The following ATP11A variants were observed in gnomAD, a reference collection of about 807,000 sequenced individuals.
The protein encoded by ATP11A is ATPase phospholipid transporting 11A.
Under a neutral mutation model 154.4 loss-of-function variants are expected in ATP11A, and 81 were observed. The observed-to-expected ratio is 0.52, with a 90% confidence interval of 0.44 to 0.63. ATP11A has a LOEUF of 0.63. Among genes scored for constraint, ATP11A ranks in the 30% least tolerant of loss-of-function variants. The probability of loss-of-function intolerance (pLI) is 0.00; values close to 1 mark genes in which losing one functional copy is unlikely to be tolerated. For missense variants in ATP11A, 1,316 were observed against 1,474.3 expected (o/e 0.89, Z 1.76); for synonymous variants, 623 against 585.9 (o/e 1.06, Z -0.91).
chr13:112,742,040 G>A (rs943494861), intron 1 of ATP11A, among the ~76,000 whole-genome samples: 5 of 151,592 alleles, frequency 3.3e-5, no homozygotes. Flanking sequence ...TCCCCCACAG[G>A]GGAGTGCTCC....
intron 16 of ATP11A, among the ~76,000 whole-genome samples, chr13:112,841,963 G>A (rs991112072): frequency 2.0e-5 from 3 of 152,210 alleles, no homozygotes; most frequent in African/African-American, 7.2e-5. Flanking sequence ...TCACCCCAAC[G>A]CCCGTCCCGA....
chr13:112,789,952 A>G (rs1175719122), intron 2 of ATP11A, among the ~76,000 whole-genome samples: 1 of 151,348 alleles, frequency 6.6e-6, no homozygotes, highest in African/African-American at 2.4e-5. Flanking sequence ...ATGTATACCT[A>G]TTTAATTCAC....
chr13:112,833,643 A>C (rs1594118266), intron 14 of ATP11A, among the ~76,000 whole-genome samples: 1 of 152,236 alleles, frequency 6.6e-6, no homozygotes, highest in South Asian at 2.1e-4. Flanking sequence ...TTCTCACCTC[A>C]TTACAGCCAT....
intron 21 of ATP11A, 64 bp from the exon 22 acceptor site, chr13:112,858,081 C>A: frequency 6.3e-7 from 1 of 1,587,946 alleles, no homozygotes; most frequent in East Asian, 2.2e-5. Context: ...TTCTTCTCCC[C>A]GTCCCTGCCC....
intron 1 of ATP11A, among the ~76,000 whole-genome samples, chr13:112,780,981 G>A (rs924548836): frequency 2.6e-5 from 4 of 152,198 alleles, no homozygotes; most frequent in Middle Eastern, 3.4e-3. Context: ...CCGACTACCC[G>A]TGTCTTTGCT....
chr13:112,749,920 T>A (rs1171431695), intron 1 of ATP11A, among the ~76,000 whole-genome samples: 1 of 122,486 alleles, frequency 8.2e-6, no homozygotes, highest in Non-Finnish European at 1.7e-5. Context: ...CTCTCGTGAA[T>A]TTCTGTCTTA....
At position 112,862,565 on chromosome 13, in the gene ATP11A, G is replaced by A; in HGVS notation, c.2981G>A (p.Ser994Asn). 6.2e-7 allele frequency: 1 copy of A among 1,614,174 alleles called. No homozygotes were observed. The highest frequency in any genetic ancestry group is 8.5e-7 in the Non-Finnish European group (1 of 1,180,018). ...GTGTTTGAAAATACAACTGTGACAAGCAACGGGCAGGTCAGTACAGAGCTC... is the reference window on the plus strand; with the variant it reads ...GTGTTTGAAAATACAACTGTGACAAACAACGGGCAGGTCAGTACAGAGCTC... ...YFVFENTTVT[S>N]NGQIFGNWTF... The change falls in exon 25 of 30, where the codon AGC becomes AAC. Residue 994 changes from serine (S) to asparagine (N), a missense_variant. Transcript: ENST00000375645.
At chr13:112,775,834 G>A (rs562494825) in intron 1 of ATP11A, among the ~76,000 whole-genome samples, 228 of 152,306 alleles carry the variant, frequency 1.5e-3, no homozygotes, top group African/African-American at 4.7e-3. Flanking sequence ...GGCGCAGGGC[G>A]GGCGCGACTT....
intron 2 of ATP11A, among the ~76,000 whole-genome samples, chr13:112,803,960 T>G (rs117466554): frequency 0.037 from 1,330 of 35,982 alleles, 100 homozygotes; most frequent in Middle Eastern, 0.075. Flanking sequence ...TTTCCTCCTT[T>G]CTTCCCTTCC....
intron 17 of ATP11A, among the ~76,000 whole-genome samples, chr13:112,850,096 C>T (rs1445594768): frequency 1.3e-5 from 2 of 152,194 alleles, no homozygotes; most frequent in Non-Finnish European, 2.9e-5. Flanking sequence ...ATTCTGTCCA[C>T]ACCAGTTAAG....
intron 1 of ATP11A, among the ~76,000 whole-genome samples, chr13:112,719,846 C>T (rs759329314): frequency 1.5e-4 from 23 of 152,166 alleles, no homozygotes; most frequent in Non-Finnish European, 3.2e-4. Flanking sequence ...TTGGTCTGGT[C>T]TGTTGGGGCC....
chr13:112,789,708 C>G (rs936272893), intron 2 of ATP11A, among the ~76,000 whole-genome samples: 1 of 151,570 alleles, frequency 6.6e-6, no homozygotes, highest in South Asian at 2.1e-4. Flanking sequence ...CTGTGGAGAC[C>G]TACTTAATTC....
chr13:112,862,604 T>C (rs1337468762), intron 25 of ATP11A, 29 bp downstream of exon 25: 2 of 1,613,664 alleles, frequency 1.2e-6, no homozygotes, highest in African/African-American at 1.3e-5. Flanking sequence ...TGCGCTGACT[T>C]AGCTGCTTAG....
intron 1 of ATP11A, among the ~76,000 whole-genome samples, chr13:112,694,838 A>AT (rs1555300488): frequency 6.6e-6 from 1 of 152,248 alleles, no homozygotes; most frequent in Non-Finnish European, 1.5e-5. Flanking sequence ...ACAAACTGTT[A>AT]TAAGTTTTTT....
chr13:112,816,974 G>A (rs1055760751), intron 6 of ATP11A, among the ~76,000 whole-genome samples: 3 of 152,190 alleles, frequency 2.0e-5, no homozygotes, highest in Non-Finnish European at 4.4e-5. Flanking sequence ...ACTTCAATGA[G>A]TGTCTTTTTG....
intron 4 of ATP11A, among the ~76,000 whole-genome samples, chr13:112,808,317 A>C (rs2078382441): frequency 6.6e-6 from 1 of 151,916 alleles, no homozygotes; most frequent in African/African-American, 2.4e-5. Context: ...AAGGCGGCAA[A>C]TGAACAGAGC....
chr13:112,778,385 C>T (rs1369717467), intron 1 of ATP11A, among the ~76,000 whole-genome samples: 1 of 152,236 alleles, frequency 6.6e-6, no homozygotes, highest in Non-Finnish European at 1.5e-5. Context: ...GGGCCAAAAC[C>T]TTGTAACTCT....
chr13:112,756,642 A>G (rs757846409), intron 1 of ATP11A, among the ~76,000 whole-genome samples: 10 of 152,224 alleles, frequency 6.6e-5, no homozygotes, highest in Non-Finnish European at 1.2e-4. Context: ...CCTCACCTGG[A>G]GAGCCTGGAC....
At chr13:112,868,171 A>C (rs1342310752) in intron 25 of ATP11A, among the ~76,000 whole-genome samples, 1 of 152,242 alleles carries the variant, frequency 6.6e-6, no homozygotes, top group Non-Finnish European at 1.5e-5. Flanking sequence ...AAAAGCTCGG[A>C]ACGTGCTTTG....
Sources: gnomAD v4.1 joint callset for allele counts (sites outside exome capture counted in the v4.1 genomes callset) on GRCh38, gnomAD v4.1.1 for gene constraint, MANE v1.5 for transcripts, NCBI Gene and HGNC (gene_info 2026-07-23, HGNC 2026-07-21) for gene names.